PALS2: variants seen among roughly 807,000 people sequenced by gnomAD.
PALS2 encodes the protein protein associated with LIN7 2, MAGUK p55 family member, also known as protein PALS2.
In PALS2, 27 loss-of-function variants were observed where a neutral mutation model predicts 61.6. The ratio of observed to expected loss-of-function variants is 0.44; its 90% CI spans 0.32 to 0.60. The LOEUF is 0.60. Among genes scored for constraint, PALS2 ranks in the 20% least tolerant of loss-of-function variants. The pLI is 0.05. For missense variants in PALS2, 554 were observed against 639.4 expected, an observed-to-expected ratio of 0.87 and a Z score of 1.44; for synonymous variants, 236 against 218.6, an observed-to-expected ratio of 1.08 and a Z score of -0.70.
intron 2 of PALS2, among the ~76,000 whole-genome samples, chr7:24,636,948 T>C (rs76415359): frequency 0.063 from 9,631 of 152,288 alleles, 356 homozygotes; most frequent in African/African-American, 0.093. Context: ...ATAATGTATG[T>C]ATCTTTCAGA....
chr7:24,574,193 T>G (rs1217998607), intron 1 of PALS2: 1 of 152,238 alleles, frequency 6.6e-6, no homozygotes, highest in African/African-American at 2.4e-5. Context: ...GGTACGAGAC[T>G]CCAGTTGTTT....
intron 2 of PALS2, among the ~76,000 whole-genome samples, chr7:24,639,229 C>G (rs901140142): frequency 6.6e-6 from 1 of 152,134 alleles, no homozygotes; most frequent in Non-Finnish European, 1.5e-5. Context: ...GTTAGAGTGG[C>G]TCTCTATATA....
intron 1 of PALS2, among the ~76,000 whole-genome samples, chr7:24,605,106 C>A (rs937851000): frequency 2.6e-5 from 4 of 152,174 alleles, no homozygotes; most frequent in Admixed American, 2.6e-4. Context: ...GGGGAACTGC[C>A]AATCTCTTCA....
At chr7:24,574,015 G>C (rs1436025046) in intron 1 of PALS2, 3 of 152,208 alleles carry the variant, frequency 2.0e-5, no homozygotes, top group Non-Finnish European at 4.4e-5. Context: ...TCTGCGGCGG[G>C]AGTCGCGGTG....
intron 5 of PALS2, chr7:24,663,386 GAGA>G (rs1340128723): frequency 7.6e-6 from 3 of 395,770 alleles, no homozygotes; most frequent in East Asian, 4.8e-5. Context: ...TATTAAAGTA[GAGA>G]AGAAGTTTTA....
intron 2 of PALS2, among the ~76,000 whole-genome samples, chr7:24,628,022 G>T (rs941586686): frequency 2.0e-5 from 3 of 152,244 alleles, no homozygotes; most frequent in Admixed American, 6.5e-5. Context: ...ATTTTATGAG[G>T]CCAGCATCAT....
intron 3 of PALS2, among the ~76,000 whole-genome samples, chr7:24,643,320 A>G (rs943701604): frequency 2.6e-5 from 4 of 152,168 alleles, no homozygotes; most frequent in African/African-American, 9.6e-5. Context: ...TGTAGCATAT[A>G]AAAATTTTAG....
At position 24,687,904 on chromosome 7, in the gene PALS2, CCCTTG is replaced by C. The variant is rs1391139694; in HGVS notation, c.*295_*299del. On this transcript the variant is annotated 3_prime_UTR_variant, in exon 12 of 12. Coordinates refer to ENST00000222644, the MANE Select transcript of PALS2 (RefSeq NM_001303037.2). The surrounding 1 kb of genome is among the most constrained non-coding windows in gnomAD (Gnocchi z 4.5). ...ATTTTGTATATGTTTTGATTTAGTA[CCCTTG>C]CCTTTTTCATCAAAGGAATTTTCAA... 1.4e-5 allele frequency: 3 copies of C among 220,704 alleles called. No homozygotes were observed. Among genetic ancestry groups the C allele is most frequent in the Non-Finnish European group, 8.7e-6 (1 of 114,346 alleles). 13.7% of individuals were successfully genotyped at this position (220,704 alleles called of 1,614,324 possible). A position where few individuals can be genotyped will look rare whatever the true frequency, so the allele number is the denominator to read the frequency against.
At chr7:24,629,624 A>AAC (rs200794157) in intron 2 of PALS2, among the ~76,000 whole-genome samples, 9,650 of 152,194 alleles carry the variant, frequency 0.063, 356 homozygotes, top group African/African-American at 0.094. Context: ...AAGGAACTTA[A>AAC]AAATTTACAA....
chr7:24,663,552 T>TA (rs1341586340), intron 5 of PALS2, 38 bp from the exon 6 acceptor site: 3 of 1,517,478 alleles, frequency 2.0e-6, no homozygotes, highest in Middle Eastern at 3.9e-4. Flanking sequence ...TGGCAAGTGA[T>TA]ACAACTATAG....
At chr7:24,641,334 C>G (rs149079273) in intron 2 of PALS2, among the ~76,000 whole-genome samples, 2 of 151,798 alleles carry the variant, frequency 1.3e-5, no homozygotes, top group African/African-American at 2.4e-5. Context: ...TATGCTTAAT[C>G]ATTTATTTTA....
At chr7:24,684,982 A>T (rs1788119616) in intron 11 of PALS2, among the ~76,000 whole-genome samples, 1 of 151,342 alleles carries the variant, frequency 6.6e-6, no homozygotes, top group South Asian at 2.1e-4. Flanking sequence ...TCCGGGGTGC[A>T]TGTACAGGAT....
At chr7:24,643,860 C>T (rs180969097) in intron 3 of PALS2, among the ~76,000 whole-genome samples, 8 of 152,040 alleles carry the variant, frequency 5.3e-5, no homozygotes, top group Admixed American at 2.0e-4. Context: ...TTAAGTGATA[C>T]GATGCAACAT....
chr7:24,686,013 C>T (rs1391023058), intron 11 of PALS2, among the ~76,000 whole-genome samples: 1 of 152,136 alleles, frequency 6.6e-6, no homozygotes, highest in East Asian at 1.9e-4. Flanking sequence ...ACATCTTAAG[C>T]TTACCATATT....
At chr7:24,667,657 ATTTT>A (rs11284911) in intron 8 of PALS2, among the ~76,000 whole-genome samples, 4,019 of 98,278 alleles carry the variant, frequency 0.041, 39 homozygotes, top group Non-Finnish European at 0.058. Flanking sequence ...GATTAGATAA[ATTTT>A]TTTTTTTTTT....
At chr7:24,628,632 C>T (rs1784854515) in intron 2 of PALS2, among the ~76,000 whole-genome samples, 1 of 152,102 alleles carries the variant, frequency 6.6e-6, no homozygotes, top group Non-Finnish European at 1.5e-5. Context: ...AGCTGATAAG[C>T]AACTTCAGCA....
intron 1 of PALS2, among the ~76,000 whole-genome samples, chr7:24,603,745 A>G (rs1450407483): frequency 6.6e-6 from 1 of 152,192 alleles, no homozygotes; most frequent in Non-Finnish European, 1.5e-5. Context: ...ACTAAAATGT[A>G]AAAATAAGAA....
intron 1 of PALS2, among the ~76,000 whole-genome samples, chr7:24,580,245 C>T (rs1472134540): frequency 6.6e-6 from 1 of 152,080 alleles, no homozygotes; most frequent in Non-Finnish European, 1.5e-5. Context: ...GGATTCTTTA[C>T]CTAAGTGGGC....
At chr7:24,652,817 C>T (rs1336593401) in intron 5 of PALS2, among the ~76,000 whole-genome samples, 6 of 152,134 alleles carry the variant, frequency 3.9e-5, no homozygotes, top group African/African-American at 9.7e-5. Flanking sequence ...TTCCCTACCA[C>T]GGTAATGTTT....
Sources: gnomAD v4.1 joint callset for allele counts (sites outside exome capture counted in the v4.1 genomes callset) on GRCh38, gnomAD v4.1.1 for gene constraint, Gnocchi (gnomAD v3.1) non-coding constraint, MANE v1.5 for transcripts, NCBI Gene and HGNC (gene_info 2026-07-23, HGNC 2026-07-21) for gene names.